The following SHROOM3 variants were observed in gnomAD, a reference collection of about 807,000 sequenced individuals.
SHROOM3 encodes the protein protein Shroom3.
SHROOM3 carries 47 observed loss-of-function variants against 138.6 expected under a neutral mutation model. That is an observed-to-expected ratio of 0.34 (90% confidence interval 0.27 to 0.43). The LOEUF (loss-of-function observed/expected upper bound fraction) is 0.43, where lower values mean the gene tolerates loss of function less well. Among genes scored for constraint, SHROOM3 ranks in the 20% least tolerant of loss-of-function variants. The pLI, the probability that SHROOM3 is intolerant of heterozygous loss-of-function variation, is 1.00. For synonymous variants in SHROOM3, 1,062 were observed against 1,063.3 expected (o/e 1.00, Z 0.02); for missense variants, 2,491 against 2,596.5 (o/e 0.96, Z 0.88).
intron 2 of SHROOM3, among the ~76,000 whole-genome samples, chr4:76,628,109 T>G (rs1735200139): frequency 6.6e-6 from 1 of 152,188 alleles, no homozygotes; most frequent in Non-Finnish European, 1.5e-5. Context: ...AATATAGGCA[T>G]GATTTCCCCA....
At chr4:76,721,427 C>T (rs114653621) in intron 3 of SHROOM3, among the ~76,000 whole-genome samples, 1 of 152,186 alleles carries the variant, frequency 6.6e-6, no homozygotes, top group Non-Finnish European at 1.5e-5. Context: ...GAAAAAGTGT[C>T]TACAAAAGGG....
chr4:76,771,363 A>C (rs930927390), intron 10 of SHROOM3, among the ~76,000 whole-genome samples: 2 of 150,324 alleles, frequency 1.3e-5, no homozygotes, highest in African/African-American at 4.9e-5. Context: ...GGGCGACCAC[A>C]TCAAAAAAAA....
chr4:76,546,487 A>G (rs1198043177), intron 1 of SHROOM3, among the ~76,000 whole-genome samples: 1 of 152,246 alleles, frequency 6.6e-6, no homozygotes, highest in African/African-American at 2.4e-5. Context: ...CCTGAGAACC[A>G]GAGAAGGATC....
intron 4 of SHROOM3, among the ~76,000 whole-genome samples, chr4:76,734,513 C>CCT (rs1720971680): frequency 7.3e-6 from 1 of 137,688 alleles, no homozygotes; most frequent in East Asian, 2.1e-4. Context: ...TTTAAAAATA[C>CCT]TTTTTTTTTT....
At chr4:76,711,244 C>T (rs1347395135) in intron 3 of SHROOM3, among the ~76,000 whole-genome samples, 2 of 152,158 alleles carry the variant, frequency 1.3e-5, no homozygotes, top group Non-Finnish European at 2.9e-5. Context: ...TAGAAGCTCT[C>T]TCTACTTCCA....
At chr4:76,640,208 G>C (rs1004380808) in intron 2 of SHROOM3, among the ~76,000 whole-genome samples, 1 of 152,146 alleles carries the variant, frequency 6.6e-6, no homozygotes, top group African/African-American at 2.4e-5. Context: ...GTGTCTTTGT[G>C]TGTGTGTCTA....
Position 76,741,150 on chromosome 4 carries a change from G to A in SHROOM3, c.2977G>A (p.Gly993Ser). ...RERHSVTPAE[G>S]DLARPVPPAA... ...GCGGCACAGCGTGACCCCTGCTGAGGGCGACCTGGCCAGGCCCGTGCCCCC... is the reference window on the plus strand; with the variant it reads ...GCGGCACAGCGTGACCCCTGCTGAGAGCGACCTGGCCAGGCCCGTGCCCCC... Residue 993 changes from glycine to serine, a missense_variant, in exon 5 of 11, where the codon GGC becomes AGC. By Grantham distance (56) the Gly-to-Ser change is moderately conservative. This residue lies in a region of SHROOM3 where 1,733 missense variants were observed against 1,661.6 expected (regional missense o/e 1.04). Transcript: ENST00000296043. The surrounding 1 kb of genome is among the most constrained non-coding windows in gnomAD (Gnocchi z 6.2). 3 of 1,567,680 alleles carry A rather than the reference G, an allele frequency of 1.9e-6. No homozygotes were observed. Among genetic ancestry groups the A allele is most frequent in the South Asian group, 1.2e-5 (1 of 85,774 alleles).
chr4:76,647,986 T>G (rs1013446164), intron 2 of SHROOM3, among the ~76,000 whole-genome samples: 2 of 152,156 alleles, frequency 1.3e-5, no homozygotes, highest in African/African-American at 4.8e-5. Flanking sequence ...TCAGTTTTTA[T>G]AATAATATTT....
At chr4:76,548,087 G>A (rs548383561) in intron 1 of SHROOM3, among the ~76,000 whole-genome samples, 1 of 151,342 alleles carries the variant, frequency 6.6e-6, no homozygotes, top group East Asian at 1.9e-4. Flanking sequence ...TGTAAGACCT[G>A]GAGGAGGTAA....
At chr4:76,758,846 A>G (rs1026722935) in intron 8 of SHROOM3, among the ~76,000 whole-genome samples, 2 of 152,236 alleles carry the variant, frequency 1.3e-5, no homozygotes, top group African/African-American at 4.8e-5. Flanking sequence ...AGTGGGTAGG[A>G]TATGAATTAT....
chr4:76,759,620 G>GCTA lies in SHROOM3; in HGVS notation c.5277_5279dup (p.Leu1760dup). The GCTA allele has an allele frequency of 6.2e-7, 1 of 1,614,198 alleles. No individual in the cohort carries two copies. Among genetic ancestry groups the GCTA allele is most frequent in the Non-Finnish European group, 8.5e-7 (1 of 1,180,040 alleles). Reference sequence around the variant, plus strand: ...ACAGTGTGTCTGCTCCCAAGGCTGAGCTACTGAACAAAATCAAAGAGATGC... The same window carrying GCTA: ...ACAGTGTGTCTGCTCCCAAGGCTGAGCTACTACTGAACAAAATCAAAGAGATGC... On this transcript the variant is annotated inframe_insertion, in exon 9 of 11. Transcript: ENST00000296043.
chr4:76,608,559 GCATAGCATAGCATAGCA>G (rs1734674451), intron 2 of SHROOM3, among the ~76,000 whole-genome samples: 8 of 102,582 alleles, frequency 7.8e-5, no homozygotes, highest in Non-Finnish European at 4.3e-5. Context: ...GCATAGCATA[GCATAGCATAGCATAGCA>G]TAGCATAGCA....
At chr4:76,552,044 G>GTTC (rs1733372050) in intron 1 of SHROOM3, among the ~76,000 whole-genome samples, 1 of 144,182 alleles carries the variant, frequency 6.9e-6, no homozygotes, top group African/African-American at 2.6e-5. Flanking sequence ...TGTATCTTTA[G>GTTC]TAGAGACGGG....
intron 2 of SHROOM3, among the ~76,000 whole-genome samples, chr4:76,619,545 T>C (rs752495182): frequency 2.0e-5 from 3 of 152,180 alleles, no homozygotes; most frequent in Non-Finnish European, 4.4e-5. Context: ...ATTATTTTCA[T>C]AGAAGTGTGA....
At chr4:76,667,512 G>T (rs370791144) in intron 2 of SHROOM3, among the ~76,000 whole-genome samples, 9 of 151,862 alleles carry the variant, frequency 5.9e-5, no homozygotes, top group Non-Finnish European at 1.2e-4. Flanking sequence ...TAGAAACAAG[G>T]TCTCACTCTG....
rs1021984758 is a variant in SHROOM3, at chr4:76,781,814, A to G, written c.*2637A>G. ...AGAAACCATTCTTCTTTCTCCCAAC[A>G]GTATCCTTTGCCAAGACCATGAGAA... On this transcript the variant is annotated 3_prime_UTR_variant, in exon 11 of 11. Transcript: ENST00000296043. 3.3e-5 allele frequency: 5 copies of G among 152,232 alleles called. No individual in the cohort carries two copies. Among genetic ancestry groups the G allele is most frequent in the Non-Finnish European group, 7.3e-5 (5 of 68,042 alleles). The allele number at this position is 152,232 out of a possible 1,614,324, so 9.4% of individuals were successfully genotyped here.
chr4:76,563,142 A>G lies in SHROOM3; in HGVS notation c.323+7379A>G, dbSNP rs141766016. On this transcript the variant is annotated intron_variant, in intron 2 of 10. Transcript: ENST00000296043. ...TGCTATAAGGATGAAATAAGATAGT[A>G]TATATAAAATGTTTCATCATAGTAA... Among the ~76,000 whole-genome samples, 884 of 152,324 alleles carry G rather than the reference A, an allele frequency of 5.8e-3. 4 individuals carry two copies. The highest frequency in any genetic ancestry group is 0.02 in the African/African-American group (837 of 41,572).
At chr4:76,559,565 A>T (rs1733557453) in intron 2 of SHROOM3, 1 of 152,198 alleles carries the variant, frequency 6.6e-6, no homozygotes, top group Admixed American at 6.5e-5. Context: ...TCATTTGTGT[A>T]GTCAAAATGT....
At chr4:76,765,159 T>G (rs1179983550) in intron 9 of SHROOM3, among the ~76,000 whole-genome samples, 1 of 151,964 alleles carries the variant, frequency 6.6e-6, no homozygotes, top group Non-Finnish European at 1.5e-5. Context: ...GTTCTAAAAT[T>G]TACATTTAAA....
Sources: allele counts gnomAD v4.1 joint callset (sites outside exome capture counted in the v4.1 genomes callset), GRCh38; gene constraint gnomAD v4.1.1; regional missense constraint gnomAD v4.1.1; non-coding constraint Gnocchi (gnomAD v3.1); transcripts MANE v1.5; gene names NCBI Gene and HGNC (gene_info 2026-07-23, HGNC 2026-07-21).